TTC28: variants seen among roughly 807,000 people sequenced by gnomAD.
TTC28 encodes tetratricopeptide repeat protein 28.
Under a neutral mutation model 198.0 loss-of-function variants are expected in TTC28, and 61 were observed. The ratio of observed to expected loss-of-function variants is 0.31; its 90% CI spans 0.25 to 0.38. TTC28 has a LOEUF of 0.38. TTC28 is among the 10% of genes least tolerant of loss of function. The probability of loss-of-function intolerance (pLI) is 1.00; values close to 1 mark genes in which losing one functional copy is unlikely to be tolerated. For synonymous variants in TTC28, 1,171 were observed against 1,297.8 expected (o/e 0.90, Z 2.10); for missense variants, 2,678 against 3,164.0 (o/e 0.85, Z 3.69).
chr22:28,437,687 G>C (rs1054487362), intron 2 of TTC28, among the ~76,000 whole-genome samples: 4 of 152,000 alleles, frequency 2.6e-5, no homozygotes, highest in African/African-American at 9.7e-5. Context: ...CAACCTACTG[G>C]GTTCAATCAA....
At chr22:28,342,900 G>C (rs150769172) in intron 2 of TTC28, among the ~76,000 whole-genome samples, 184 of 152,222 alleles carry the variant, frequency 1.2e-3, no homozygotes, top group Non-Finnish European at 2.3e-3. Flanking sequence ...CACAGACCTA[G>C]ACTAAAATTT....
intron 2 of TTC28, among the ~76,000 whole-genome samples, chr22:28,377,121 T>C (rs1192347047): frequency 7.0e-6 from 1 of 143,374 alleles, no homozygotes; most frequent in Non-Finnish European, 1.5e-5. Context: ...ATGTAATACA[T>C]AGGACTAGGA....
At chr22:28,063,891 C>T (rs191718182) in intron 12 of TTC28, among the ~76,000 whole-genome samples, 1 of 152,178 alleles carries the variant, frequency 6.6e-6, no homozygotes, top group Admixed American at 6.5e-5. Flanking sequence ...GGCGGCCGAG[C>T]AACAGCTGAT....
At chr22:28,371,254 A>G (rs926486525) in intron 2 of TTC28, among the ~76,000 whole-genome samples, 3 of 151,624 alleles carry the variant, frequency 2.0e-5, no homozygotes, top group African/African-American at 7.3e-5. Context: ...ATGGTGGCTC[A>G]TGGCTGTAGT....
intron 22 of TTC28, 47 bp from the exon 23 acceptor site, chr22:27,983,898 G>C: frequency 5.3e-6 from 8 of 1,496,356 alleles, no homozygotes; most frequent in Non-Finnish European, 7.1e-6. Flanking sequence ...AATTCTATAT[G>C]GTTTTGATTT....
rs1318231743 is a variant in TTC28 at position 27,998,822 on chromosome 22, C to T, written c.4837G>A (p.Asp1613Asn). 6.4e-7 allele frequency: 1 copy of T among 1,550,436 alleles called. No homozygotes were observed. Among genetic ancestry groups the T allele is most frequent in the Non-Finnish European group, 8.7e-7 (1 of 1,146,996 alleles). Residue 1613 changes from aspartate (D) to asparagine (N), a missense_variant, in exon 16 of 23, where the codon GAC becomes AAC. Asp to Asn is a conservative substitution (Grantham distance 23). Around this residue, in one of 8 missense-constraint regions of TTC28, gnomAD observed 727 missense variants for 861.9 expected, o/e 0.84. Coordinates refer to ENST00000397906, the MANE Select transcript of TTC28 (RefSeq NM_001145418.2). ...ACCAGCTTCACAGGCAGCTGCAGGT[C>T]CAGGACGTCGGCGGCAGTAAGCAGC... ...ELLLTAADVL[D>N]LQLPVKLVVL...
chr22:28,521,946 G>A (rs1472135797), intron 2 of TTC28, among the ~76,000 whole-genome samples: 1 of 152,166 alleles, frequency 6.6e-6, no homozygotes, highest in African/African-American at 2.4e-5. Context: ...TCAAGGCTCT[G>A]ATTGGATTAA....
At chr22:28,297,509 T>G in intron 4 of TTC28, 71 bp downstream of exon 4, 1 of 1,484,690 alleles carries the variant, frequency 6.7e-7, no homozygotes, top group Middle Eastern at 1.9e-4. Context: ...TGCATATTAT[T>G]CTCATTCATG....
chr22:28,389,526 T>A (rs2046677871), intron 2 of TTC28, among the ~76,000 whole-genome samples: 1 of 148,610 alleles, frequency 6.7e-6, no homozygotes, highest in Non-Finnish European at 1.5e-5. Flanking sequence ...CAGCTCCTGT[T>A]ATTGGTCTAT....
chr22:28,156,737 T>C (rs569698444), intron 6 of TTC28, among the ~76,000 whole-genome samples: 2 of 152,288 alleles, frequency 1.3e-5, no homozygotes, highest in South Asian at 4.1e-4. Flanking sequence ...CTGGTGAATA[T>C]AGAGTTGGAA....
At chr22:28,577,420 C>T (rs2050168087) in intron 2 of TTC28, among the ~76,000 whole-genome samples, 1 of 152,036 alleles carries the variant, frequency 6.6e-6, no homozygotes, top group African/African-American at 2.4e-5. Context: ...GATCCATGTG[C>T]TGAGAAAAAT....
At chr22:28,096,046 T>C in intron 11 of TTC28, 144 bp downstream of exon 11, 2 of 1,275,002 alleles carry the variant, frequency 1.6e-6, no homozygotes, top group South Asian at 5.0e-5. Context: ...CACCACGGCA[T>C]ATCCACTGCG....
chr22:28,267,755 T>C (rs899981392), intron 5 of TTC28, among the ~76,000 whole-genome samples: 46 of 152,200 alleles, frequency 3.0e-4, no homozygotes, highest in African/African-American at 1.1e-3. Context: ...AAGCACTCCC[T>C]AGATATATTA....
chr22:28,293,844 C>T (rs1204561624), intron 5 of TTC28, among the ~76,000 whole-genome samples: 1 of 152,034 alleles, frequency 6.6e-6, no homozygotes, highest in African/African-American at 2.4e-5. Context: ...TATGCTTGAG[C>T]AACATCAAGC....
chr22:28,320,992 T>C (rs537242751), intron 2 of TTC28, among the ~76,000 whole-genome samples: 2 of 152,266 alleles, frequency 1.3e-5, no homozygotes, highest in East Asian at 3.9e-4. Context: ...ATTCTCAAGG[T>C]TTTATTTTAT....
In TTC28 at chr22:28,108,185, C is replaced by T. The variant is rs1224610333; in HGVS notation, c.1660G>A (p.Ala554Thr). The change falls in exon 7 of 23, where the codon GCC becomes ACC. Residue 554 changes from alanine (A) to threonine (T), a missense_variant. Ala to Thr is a moderately conservative substitution (Grantham distance 58, BLOSUM62 0). Transcript: ENST00000397906. ...ACGGCAAGGTTCCCATGTGTGGAGG[C>T]CTGTGAGGCGCGGTCATTCACTTCC... ...SMEVNDRASQASTHGNLAVAY... is the reference protein window; with the variant it reads ...SMEVNDRASQTSTHGNLAVAY... 13 of 1,551,548 alleles carry T rather than the reference C, an allele frequency of 8.4e-6. No homozygotes were observed. The highest frequency in any genetic ancestry group is 1.1e-5 in the Non-Finnish European group (13 of 1,146,974).
chr22:28,459,569 A>T (rs540313628), intron 2 of TTC28, among the ~76,000 whole-genome samples: 1 of 152,326 alleles, frequency 6.6e-6, no homozygotes, highest in African/African-American at 2.4e-5. Context: ...AAAGCCACCC[A>T]CATCCCAAGA....
chr22:28,179,114 T>C (rs1287910964), intron 5 of TTC28, among the ~76,000 whole-genome samples: 2 of 151,992 alleles, frequency 1.3e-5, no homozygotes, highest in Non-Finnish European at 2.9e-5. Context: ...TAGAATACAA[T>C]TGGGTCTATT....
At chr22:28,192,460 A>G (rs1924912649) in intron 5 of TTC28, among the ~76,000 whole-genome samples, 1 of 152,234 alleles carries the variant, frequency 6.6e-6, no homozygotes, top group African/African-American at 2.4e-5. Context: ...ACGAGTTGAG[A>G]GAAGAAGTTT....
Sources: allele counts gnomAD v4.1 joint callset (sites outside exome capture counted in the v4.1 genomes callset), GRCh38; gene constraint gnomAD v4.1.1; regional missense constraint gnomAD v4.1.1; transcripts MANE v1.5; gene names NCBI Gene and HGNC (gene_info 2026-07-23, HGNC 2026-07-21).